VGLL4: variants seen among roughly 807,000 people sequenced by gnomAD.
VGLL4 encodes the protein transcription cofactor vestigial-like protein 4.
Under a neutral mutation model 21.0 loss-of-function variants are expected in VGLL4, and 7 were observed. The ratio of observed to expected loss-of-function variants is 0.33; its 90% confidence interval spans 0.19 to 0.63. VGLL4 has a LOEUF of 0.63. VGLL4 is among the 20% of genes least tolerant of loss of function. The pLI, the probability that VGLL4 is intolerant of heterozygous loss-of-function variation, is 0.78. For missense variants in VGLL4, 394 were observed against 425.7 expected (o/e 0.93, Z 0.66); for synonymous variants, 222 against 173.2 (o/e 1.28, Z -2.21).
intron 1 of VGLL4, among the ~76,000 whole-genome samples, chr3:11,641,521 A>G (rs1301091909): frequency 6.6e-6 from 1 of 152,226 alleles, no homozygotes; most frequent in East Asian, 1.9e-4. Flanking sequence ...TTCAGACCAG[A>G]TGTGTGCAGT....
At chr3:11,713,922 G>T (rs900130381) in intron 1 of VGLL4, among the ~76,000 whole-genome samples, 5 of 152,106 alleles carry the variant, frequency 3.3e-5, no homozygotes, top group African/African-American at 1.2e-4. Context: ...TGATGCTAAC[G>T]TGGCTCAGGG....
At chr3:11,582,930 G>A (rs1387219354) in intron 2 of VGLL4, among the ~76,000 whole-genome samples, 6 of 152,186 alleles carry the variant, frequency 3.9e-5, no homozygotes, top group Non-Finnish European at 5.9e-5. Flanking sequence ...TGCCACAGAT[G>A]GTGACTCCAG....
chr3:11,686,143 A>G (rs529505858), intron 2 of VGLL4, among the ~76,000 whole-genome samples: 31 of 152,336 alleles, frequency 2.0e-4, no homozygotes, highest in Non-Finnish European at 3.5e-4. Context: ...AAATTTTTAA[A>G]AAATTTCCAT....
intron 2 of VGLL4, among the ~76,000 whole-genome samples, chr3:11,679,719 T>C (rs1381153240): frequency 6.6e-6 from 1 of 152,000 alleles, no homozygotes; most frequent in African/African-American, 2.4e-5. Flanking sequence ...AATGAGAATA[T>C]AAAGAAAGAA....
chr3:11,600,217 A>G (rs1330252750), intron 2 of VGLL4, among the ~76,000 whole-genome samples: 1 of 152,174 alleles, frequency 6.6e-6, no homozygotes, highest in East Asian at 1.9e-4. Context: ...TCATTGTCCA[A>G]TGACAAGGAT....
chr3:11,567,924 G>A (rs1285664851), intron 2 of VGLL4, among the ~76,000 whole-genome samples: 1 of 152,190 alleles, frequency 6.6e-6, no homozygotes, highest in African/African-American at 2.4e-5. Flanking sequence ...AGACCTGGGG[G>A]CTCATGTCCC....
In VGLL4 at chr3:11,643,874, TCA is replaced by T; in HGVS notation, c.-358_-357del. 5 of 1,025,012 alleles carry T rather than the reference TCA, an allele frequency of 4.9e-6. No individual in the cohort carries two copies. Among genetic ancestry groups the T allele is most frequent in the Non-Finnish European group, 4.7e-6 (4 of 854,798 alleles). 63.5% of individuals were successfully genotyped at this position (1,025,012 alleles called of 1,614,324 possible). A position where few individuals can be genotyped will look rare whatever the true frequency, so the allele number is the denominator to read the frequency against. On this transcript the variant is annotated 5_prime_UTR_variant, in exon 1 of 5. An upstream open reading frame in the 5' UTR loses its in-frame stop. Transcript: ENST00000430365. The stretch of plus-strand genomic sequence containing the variant: ...TAGGACAAAGCGGCGCCGGCCCCTC[TCA>T]CAGCCCGCTGCAAGCCGGCAGCGCT...
chr3:11,628,180 G>A (rs2075394909), intron 1 of VGLL4, among the ~76,000 whole-genome samples: 1 of 151,088 alleles, frequency 6.6e-6, no homozygotes. Flanking sequence ...CCTGAGTTCG[G>A]GAATTCGAGA....
intron 1 of VGLL4, among the ~76,000 whole-genome samples, chr3:11,703,884 A>T (rs1486288877): frequency 6.6e-6 from 1 of 152,250 alleles, no homozygotes; most frequent in Admixed American, 6.5e-5. Flanking sequence ...CCTACTACGT[A>T]TGCACCGGTC....
Position 11,719,448 on chromosome 3 carries a change from G to A in VGLL4, c.-14+946C>T, listed in dbSNP as rs1381415370. 2 of 151,574 alleles carry A rather than the reference G, an allele frequency of 1.3e-5. No homozygotes were observed. The highest frequency in any genetic ancestry group is 2.9e-5 in the Non-Finnish European group (2 of 67,856). 9.4% of individuals were successfully genotyped at this position (151,574 alleles called of 1,614,324 possible). ...GCGGCTCTGGGCGCGCCCGCCTGGG[G>A]CCGGCCTGGCCCTGCGGGGGACCCA... On this transcript the variant is annotated intron_variant, in intron 1 of 5. Transcript: ENST00000273038. The surrounding 1 kb of genome is among the most constrained non-coding windows in gnomAD (Gnocchi z 4.0).
At chr3:11,642,614 C>T (rs529579561) in intron 1 of VGLL4, among the ~76,000 whole-genome samples, 56 of 152,358 alleles carry the variant, frequency 3.7e-4, no homozygotes, top group African/African-American at 1.3e-3. Context: ...GCCATTGCCA[C>T]TTTTTCAAAT....
chr3:11,645,615 A>C (rs575901246), upstream of VGLL4, among the ~76,000 whole-genome samples: 37 of 148,962 alleles, frequency 2.5e-4, 1 homozygote, highest in African/African-American at 7.4e-4. Flanking sequence ...AAAAAAAAAA[A>C]AAATCCAGCA....
In VGLL4 at chr3:11,556,214, C is replaced by T. The variant is rs2072390410; in HGVS notation, c.*2342G>A. Reference sequence around the variant, plus strand: ...AGATTTACACACATGAAGAGAAGGTCAGAGCGCACTGCAGGCAGCGCGGCT... The same window carrying T: ...AGATTTACACACATGAAGAGAAGGTTAGAGCGCACTGCAGGCAGCGCGGCT... On this transcript the variant is annotated 3_prime_UTR_variant, in exon 5 of 5. Transcript: ENST00000430365. The T allele has an allele frequency of 6.6e-6, 1 of 152,520 alleles. No homozygotes were observed. The highest frequency in any genetic ancestry group is 6.5e-5 in the Admixed American group (1 of 15,272). The allele number at this position is 152,520 out of a possible 1,614,324, so 9.4% of individuals were successfully genotyped here. A position where few individuals can be genotyped will look rare whatever the true frequency, so the allele number is the denominator to read the frequency against.
intron 1 of VGLL4, among the ~76,000 whole-genome samples, chr3:11,708,311 G>A (rs1386843571): frequency 6.6e-6 from 1 of 152,246 alleles, no homozygotes. Context: ...CGTGGTCTGG[G>A]AAGATTTCGC....
chr3:11,599,070 C>T (rs2074716003), intron 2 of VGLL4, among the ~76,000 whole-genome samples: 1 of 152,118 alleles, frequency 6.6e-6, no homozygotes, highest in Admixed American at 6.5e-5. Flanking sequence ...GCACTAAATA[C>T]CCTACAACAC....
intron 2 of VGLL4, among the ~76,000 whole-genome samples, chr3:11,695,751 G>C (rs1482518306): frequency 6.6e-6 from 1 of 152,120 alleles, no homozygotes; most frequent in Non-Finnish European, 1.5e-5. Context: ...TCTCCTCTCT[G>C]AGGATCGCGG....
chr3:11,640,536 G>A (rs1482820218), intron 1 of VGLL4, among the ~76,000 whole-genome samples: 1 of 152,152 alleles, frequency 6.6e-6, no homozygotes, highest in African/African-American at 2.4e-5. Context: ...TTAGTGAAGG[G>A]AATTAGTTAG....
intron 2 of VGLL4, chr3:11,582,478 G>A (rs2074255409): frequency 9.5e-7 from 1 of 1,047,882 alleles, no homozygotes; most frequent in Non-Finnish European, 1.4e-6. Flanking sequence ...TGCAATAAAA[G>A]TTTCCTATGG....
At chr3:11,569,057 A>C in intron 2 of VGLL4, 1 of 494,716 alleles carries the variant, frequency 2.0e-6, no homozygotes. Flanking sequence ...GAAACCAAGA[A>C]TGTCCATAAC....
Sources: allele counts gnomAD v4.1 joint callset (sites outside exome capture counted in the v4.1 genomes callset), GRCh38; gene constraint gnomAD v4.1.1; non-coding constraint Gnocchi (gnomAD v3.1); transcripts MANE v1.5; gene names NCBI Gene and HGNC (gene_info 2026-07-23, HGNC 2026-07-21).